INTS8: variants seen among roughly 807,000 people sequenced by gnomAD.
INTS8 encodes the protein integrator complex subunit 8.
A neutral mutation model predicts 138.9 loss-of-function variants in INTS8; 47 were observed. That is an observed-to-expected ratio of 0.34 (90% CI 0.27 to 0.43). INTS8 has a LOEUF of 0.43. Ranked by LOEUF, INTS8 falls within the 20% of genes least tolerant of loss-of-function variation. The pLI is 1.00. For missense variants in INTS8, 996 were observed against 1,173.0 expected (o/e 0.85, Z 2.20); for synonymous variants, 392 against 400.9 (o/e 0.98, Z 0.27).
chr8:94,857,018 A>T (rs1317424265), intron 15 of INTS8, 40 bp downstream of exon 15: 3 of 1,443,416 alleles, frequency 2.1e-6, no homozygotes, highest in Admixed American at 3.7e-5. Context: ...GAAACTCAGT[A>T]CTCACATAAT....
intron 13 of INTS8, among the ~76,000 whole-genome samples, chr8:94,852,577 C>T (rs1187137049): frequency 6.6e-6 from 1 of 150,666 alleles, no homozygotes; most frequent in Non-Finnish European, 1.5e-5. Flanking sequence ...AAAAGGCAGC[C>T]AGAAATGTAT....
At chr8:94,839,395 T>C (rs1815052777) in intron 8 of INTS8, among the ~76,000 whole-genome samples, 1 of 152,240 alleles carries the variant, frequency 6.6e-6, no homozygotes, top group Non-Finnish European at 1.5e-5. Context: ...GAATAAACAG[T>C]GCATTCATTC....
chr8:94,876,022 TA>T, intron 23 of INTS8, 51 bp from the exon 24 acceptor site: 1 of 1,221,604 alleles, frequency 8.2e-7, no homozygotes, highest in South Asian at 1.2e-5. Context: ...GATTACCTTG[TA>T]AAACCAAGCT....
chr8:94,828,023 AAGC>A, intron 4 of INTS8, among the ~76,000 whole-genome samples: 1 of 147,304 alleles, frequency 6.8e-6, no homozygotes, highest in East Asian at 2.0e-4. Flanking sequence ...ATTTATCTGA[AAGC>A]AGTCAAGTTT....
intron 26 of INTS8, among the ~76,000 whole-genome samples, chr8:94,877,154 A>G (rs901404629): frequency 2.6e-5 from 4 of 152,218 alleles, no homozygotes; most frequent in Admixed American, 1.3e-4. Context: ...TAGGTGCCCC[A>G]GAATCACTGA....
At chr8:94,848,665 T>C (rs942375856) in intron 10 of INTS8, among the ~76,000 whole-genome samples, 1 of 152,216 alleles carries the variant, frequency 6.6e-6, no homozygotes, top group African/African-American at 2.4e-5. Context: ...GGCTGAATAA[T>C]ACTTAATTGA....
At chr8:94,841,387 G>T (rs1815127181) in intron 8 of INTS8, 104 bp from the exon 9 acceptor site, 1 of 551,404 alleles carries the variant, frequency 1.8e-6, no homozygotes, top group Non-Finnish European at 3.2e-6. Context: ...ATATTTTTGT[G>T]ATTGTTTTTC....
In INTS8 at chr8:94,865,590, G is replaced by A. The variant is rs199981321; in HGVS notation, c.2161G>A (p.Val721Ile). The change falls in exon 17 of 27, where the codon GTT becomes ATT. Residue 721 changes from valine to isoleucine, a missense_variant. Val to Ile is a conservative substitution (Grantham distance 29, BLOSUM62 3). Coordinates refer to ENST00000523731, the MANE Select transcript of INTS8 (RefSeq NM_017864.4). ...RRTAKDLWEV[V>I]VQICSVSSQH... The stretch of plus-strand genomic sequence containing the variant: ...GACTGCCAAAGACCTTTGGGAAGTT[G>A]TTGTTCAAATCTGTAGTGTGTCCAG... 84 of 1,614,026 alleles carry A rather than the reference G, an allele frequency of 5.2e-5. No individual in the cohort carries two copies. Among genetic ancestry groups the A allele is most frequent in the Middle Eastern group, 1.6e-4 (1 of 6,084 alleles).
intron 10 of INTS8, among the ~76,000 whole-genome samples, chr8:94,847,817 GAATA>G (rs1475536217): frequency 6.6e-6 from 1 of 151,810 alleles, no homozygotes; most frequent in African/African-American, 2.4e-5. Context: ...CTCACTATGT[GAATA>G]AATAATCTGT....
intron 13 of INTS8, 84 bp downstream of exon 13, chr8:94,851,770 T>G (rs1197570147): frequency 1.0e-5 from 12 of 1,150,456 alleles, no homozygotes; most frequent in African/African-American, 1.6e-5. Flanking sequence ...CTGACCTTTT[T>G]GATAATAAGG....
intron 13 of INTS8, among the ~76,000 whole-genome samples, chr8:94,852,866 C>G (rs901595803): frequency 6.6e-6 from 1 of 152,096 alleles, no homozygotes; most frequent in Non-Finnish European, 1.5e-5. Flanking sequence ...CCTCAGCCTC[C>G]CAAAGTGCTG....
chr8:94,862,096 A>C (rs1054154941), intron 16 of INTS8, among the ~76,000 whole-genome samples: 1 of 149,992 alleles, frequency 6.7e-6, no homozygotes. Context: ...ATGCACCACC[A>C]CACCCGGGTA....
At position 94,881,625 on chromosome 8, in the gene INTS8, A is replaced by G. The variant is rs1563678028; in HGVS notation, c.*1391A>G. Reference sequence around the variant, plus strand: ...TGAATTCCAACTTGTTTGCTTAGTTATCTTCTTTAGTGTTTTCCTGGTGGT... The same window carrying G: ...TGAATTCCAACTTGTTTGCTTAGTTGTCTTCTTTAGTGTTTTCCTGGTGGT... On this transcript the variant is annotated 3_prime_UTR_variant, in exon 27 of 27. Transcript: ENST00000523731. The G allele has an allele frequency of 6.2e-7, 1 of 1,611,224 alleles. No homozygotes were observed. Among genetic ancestry groups the G allele is most frequent in the Non-Finnish European group, 8.5e-7 (1 of 1,179,230 alleles).
chr8:94,829,826 G>A (rs1814646319), intron 5 of INTS8, among the ~76,000 whole-genome samples: 1 of 152,050 alleles, frequency 6.6e-6, no homozygotes, highest in South Asian at 2.1e-4. Context: ...TTTATATTTT[G>A]TATTTTCTAA....
chr8:94,841,449 C>T (rs767568224), intron 8 of INTS8, 42 bp from the exon 9 acceptor site: 17 of 974,362 alleles, frequency 1.7e-5, no homozygotes, highest in Middle Eastern at 4.3e-4. Flanking sequence ...AAAACTTTAC[C>T]ATGATTTTTG....
intron 20 of INTS8, 98 bp downstream of exon 20, chr8:94,867,435 C>T (rs1816220226): frequency 1.2e-6 from 1 of 830,248 alleles, no homozygotes; most frequent in Admixed American, 2.4e-5. Context: ...ATTAAAGGGC[C>T]AGAAATCTAA....
chr8:94,876,182 A>G (rs773576151), intron 24 of INTS8, 35 bp downstream of exon 24: 1 of 1,605,168 alleles, frequency 6.2e-7, no homozygotes. Flanking sequence ...TGAGGTCAAC[A>G]TTTTTCTGCT....
chr8:94,876,302 G>A lies in INTS8; in HGVS notation c.2827+17G>A, dbSNP rs768025887. On this transcript the variant is annotated intron_variant, in intron 25 of 26. Transcript: ENST00000523731. ...ACTTGACTTGTATCCTTTCATCCAT[G>A]TGTGTGATGTTAGAATGATCCATTT... 9 of 1,584,636 alleles carry A rather than the reference G, an allele frequency of 5.7e-6. No individual in the cohort carries two copies. Among genetic ancestry groups the A allele is most frequent in the Non-Finnish European group, 7.8e-6 (9 of 1,154,596 alleles).
intron 22 of INTS8, 35 bp from the exon 23 acceptor site, chr8:94,874,517 G>T: frequency 8.2e-7 from 1 of 1,216,258 alleles, no homozygotes; most frequent in Non-Finnish European, 1.2e-6. Flanking sequence ...CATGTTAGCT[G>T]GTTTTTGAAA....
Sources: allele counts gnomAD v4.1 joint callset (sites outside exome capture counted in the v4.1 genomes callset), GRCh38; gene constraint gnomAD v4.1.1; transcripts MANE v1.5; gene names NCBI Gene and HGNC (gene_info 2026-07-23, HGNC 2026-07-21).